The following AGAP1 variants were observed in gnomAD, a reference collection of about 807,000 sequenced individuals.
The protein encoded by AGAP1 is arf-GAP with GTPase, ANK repeat and PH domain-containing protein 1.
AGAP1 carries 29 observed loss-of-function variants against 105.3 expected under a neutral mutation model. That is an observed-to-expected ratio of 0.28 (90% CI 0.21 to 0.38). The LOEUF (loss-of-function observed/expected upper bound fraction) is 0.38, where lower values mean the gene tolerates loss of function less well. Ranked by LOEUF, AGAP1 falls within the 10% of genes least tolerant of loss-of-function variation. The pLI is 1.00. For missense variants in AGAP1, 998 were observed against 1,165.1 expected, an observed-to-expected ratio of 0.86 and a Z score of 2.09; for synonymous variants, 509 against 485.9, an observed-to-expected ratio of 1.05 and a Z score of -0.63.
intron 9 of AGAP1, among the ~76,000 whole-genome samples, chr2:235,812,445 C>G (rs554395335): frequency 1.3e-5 from 2 of 152,242 alleles, no homozygotes; most frequent in Non-Finnish European, 2.9e-5. Context: ...TTAATCCCCT[C>G]GTCCAGCCTG....
rs900813698 is a variant in AGAP1 at position 235,663,845 on chromosome 2, T to C, written c.164-45334T>C. The stretch of plus-strand genomic sequence containing the variant: ...GCGATATTAGAAGAGTTCCCTCCCG[T>C]GAATCCTGTAGAGGAAAATGTTACC... On this transcript the variant is annotated intron_variant, in intron 1 of 17. Transcript: ENST00000304032. The surrounding 1 kb of genome is among the most constrained non-coding windows in gnomAD (Gnocchi z 5.4). 6.6e-6 allele frequency among the ~76,000 whole-genome samples: 1 copy of C among 152,214 alleles called. No individual in the cohort carries two copies. The highest frequency in any genetic ancestry group is 2.4e-5 in the African/African-American group (1 of 41,458).
At chr2:235,929,546 C>T (rs1357653031) in intron 11 of AGAP1, among the ~76,000 whole-genome samples, 1 of 152,090 alleles carries the variant, frequency 6.6e-6, no homozygotes, top group African/African-American at 2.4e-5. Context: ...AAGCCAAACG[C>T]CTCGTCGTTT....
chr2:236,075,840 A>G (rs552970453), intron 16 of AGAP1, among the ~76,000 whole-genome samples: 274 of 152,340 alleles, frequency 1.8e-3, no homozygotes, highest in Non-Finnish European at 3.3e-3. Flanking sequence ...TCTGTGGCCA[A>G]ATAGGTGACT....
chr2:235,708,922 G>A (rs368225546), intron 1 of AGAP1, among the ~76,000 whole-genome samples: 2 of 152,186 alleles, frequency 1.3e-5, no homozygotes, highest in African/African-American at 4.8e-5. Context: ...TGGAAAGTTC[G>A]ATTTTCAGTA....
intron 13 of AGAP1, among the ~76,000 whole-genome samples, chr2:236,028,940 TTTTC>T (rs1257435587): frequency 1.3e-5 from 2 of 152,206 alleles, no homozygotes; most frequent in Admixed American, 6.5e-5. Context: ...TATTGATTTT[TTTTC>T]TTTCTTCTGG....
rs1407590255 is a variant in AGAP1 at position 235,842,072 on chromosome 2, G to C, written c.1050+34741G>C. On this transcript the variant is annotated intron_variant, in intron 9 of 17. Coordinates refer to ENST00000304032, the MANE Select transcript of AGAP1 (RefSeq NM_001037131.3). This position sits in a 1 kb window ranked among gnomAD's most constrained non-coding sequence, Gnocchi z 5.3. ...TGCGGGATGTCGCTCATGTGGAGGAGGGCCTCTCGTTGGAAGCCCAGGCTC... is the reference window on the plus strand; with the variant it reads ...TGCGGGATGTCGCTCATGTGGAGGACGGCCTCTCGTTGGAAGCCCAGGCTC... Among the ~76,000 whole-genome samples the C allele has an allele frequency of 2.6e-5, 4 of 152,190 alleles. 1 individual carries two copies. Among genetic ancestry groups the C allele is most frequent in the Admixed American group, 2.6e-4 (4 of 15,288 alleles).
intron 1 of AGAP1, among the ~76,000 whole-genome samples, chr2:235,602,915 A>G (rs1559281608): frequency 6.6e-6 from 1 of 152,090 alleles, no homozygotes; most frequent in East Asian, 1.9e-4. Context: ...TTGGTCAGGC[A>G]GGTCTTGAAC....
intron 9 of AGAP1, among the ~76,000 whole-genome samples, chr2:235,878,061 A>T (rs1478200571): frequency 1.3e-5 from 2 of 152,164 alleles, no homozygotes; most frequent in African/African-American, 4.8e-5. Flanking sequence ...TGCCCGTGGA[A>T]ACCCGAGAGT....
intron 16 of AGAP1, among the ~76,000 whole-genome samples, chr2:236,071,376 G>A (rs995533254): frequency 6.6e-6 from 1 of 152,010 alleles, no homozygotes; most frequent in Non-Finnish European, 1.5e-5. Context: ...GCCACTCCTG[G>A]AAGGATTGGT....
Position 235,692,945 on chromosome 2 carries a change from G to A in AGAP1, c.164-16234G>A, listed in dbSNP as rs77751602. Among the ~76,000 whole-genome samples, 537 of 152,220 alleles carry A rather than the reference G, an allele frequency of 3.5e-3. 13 individuals are homozygous for A. In the East Asian group the frequency reaches 0.069, roughly 19 times the overall value. On this transcript the variant is annotated intron_variant, in intron 1 of 17. Coordinates refer to ENST00000304032, the MANE Select transcript of AGAP1 (RefSeq NM_001037131.3). This position sits in a 1 kb window ranked among gnomAD's most constrained non-coding sequence, Gnocchi z 5.8. The stretch of plus-strand genomic sequence containing the variant: ...TGCTGTCGGTGGTGGCATCAGTGGA[G>A]TTGGCAGGTACTGTGCATGGGAGAG...
rs2054668621 is a variant in AGAP1 at position 235,971,986 on chromosome 2, C to T, written c.1645+3363C>T. 6.6e-6 allele frequency among the ~76,000 whole-genome samples: 1 copy of T among 151,784 alleles called. No individual in the cohort carries two copies. Among genetic ancestry groups the T allele is most frequent in the South Asian group, 2.1e-4 (1 of 4,804 alleles). ...TAGAAATGGAGTTTCACTCTTTTGC[C>T]CAGGCTGGTCTTGAACTCCTGGGCT... On this transcript the variant is annotated intron_variant, in intron 13 of 17. Transcript: ENST00000304032. This position sits in a 1 kb window ranked among gnomAD's most constrained non-coding sequence, Gnocchi z 4.8.
At position 236,051,351 on chromosome 2, in the gene AGAP1, G is replaced by A. The variant is rs1446047937; in HGVS notation, c.2114+2070G>A. On this transcript the variant is annotated intron_variant, in intron 16 of 17. Coordinates refer to ENST00000304032, the MANE Select transcript of AGAP1 (RefSeq NM_001037131.3). The surrounding 1 kb of genome is among the most constrained non-coding windows in gnomAD (Gnocchi z 5.9). ...AAAGCAACGGTGAGTGATGATTGCA[G>A]TTCCCTGGTGATTGGTGAAGGCTCT... Among the ~76,000 whole-genome samples, 1 of 152,230 alleles carries A rather than the reference G, an allele frequency of 6.6e-6. No individual in the cohort carries two copies. The highest frequency in any genetic ancestry group is 1.5e-5 in the Non-Finnish European group (1 of 68,034).
intron 1 of AGAP1, among the ~76,000 whole-genome samples, chr2:235,588,642 T>C (rs1160288474): frequency 3.3e-5 from 5 of 152,228 alleles, no homozygotes. Context: ...TAATTCCTTT[T>C]TGGAAAAATT....
intron 8 of AGAP1, among the ~76,000 whole-genome samples, chr2:235,803,666 A>C (rs1273503132): frequency 6.6e-6 from 1 of 152,224 alleles, no homozygotes; most frequent in Non-Finnish European, 1.5e-5. Context: ...ACTGTAATGC[A>C]CTGCTCTGGG....
chr2:235,670,327 G>C, intron 1 of AGAP1: 1 of 482,188 alleles, frequency 2.1e-6, no homozygotes, highest in Non-Finnish European at 3.7e-6. Flanking sequence ...CCGAGGAGGC[G>C]GAGGGCGCCG....
At position 235,979,075 on chromosome 2, in the gene AGAP1, T is replaced by C. The variant is rs1415838649; in HGVS notation, c.1645+10452T>C. ...CCCAGTTTTTCTGTTCATTTTAAGA[T>C]TGATATGCTTTTTCTTTTTTTGGAT... is the stretch of plus-strand genomic sequence containing the variant. On this transcript the variant is annotated intron_variant, in intron 13 of 17. Coordinates refer to ENST00000304032, the MANE Select transcript of AGAP1 (RefSeq NM_001037131.3). The surrounding 1 kb of genome is among the most constrained non-coding windows in gnomAD (Gnocchi z 4.5). Among the ~76,000 whole-genome samples, 1 of 151,620 alleles carries C rather than the reference T, an allele frequency of 6.6e-6. No homozygotes were observed. Among genetic ancestry groups the C allele is most frequent in the Non-Finnish European group, 1.5e-5 (1 of 68,012 alleles).
At chr2:235,682,390 T>G (rs1949125587) in intron 1 of AGAP1, among the ~76,000 whole-genome samples, 1 of 151,302 alleles carries the variant, frequency 6.6e-6, no homozygotes, top group Non-Finnish European at 1.5e-5. Context: ...TTGCCCAGGC[T>G]GGAGTGCAGT....
intron 6 of AGAP1, 52 bp from the exon 7 acceptor site, chr2:235,797,707 T>A: frequency 1.2e-6 from 2 of 1,611,678 alleles, no homozygotes; most frequent in Admixed American, 3.3e-5. Flanking sequence ...GCTCTGTTCC[T>A]GAATTTGGAA....
At chr2:236,033,424 C>T (rs934804774) in intron 13 of AGAP1, among the ~76,000 whole-genome samples, 1 of 152,280 alleles carries the variant, frequency 6.6e-6, no homozygotes, top group African/African-American at 2.4e-5. Context: ...CGGGCAGAGC[C>T]AAACTGCGCT....
Sources: gnomAD v4.1 joint callset for allele counts (sites outside exome capture counted in the v4.1 genomes callset) on GRCh38, gnomAD v4.1.1 for gene constraint, Gnocchi (gnomAD v3.1) non-coding constraint, MANE v1.5 for transcripts, NCBI Gene and HGNC (gene_info 2026-07-23, HGNC 2026-07-21) for gene names.